The following ESYT3 variants were observed in gnomAD, a reference collection of about 807,000 sequenced individuals.
ESYT3 encodes extended synaptotagmin-3.
ESYT3 carries 101 observed loss-of-function variants against 111.5 expected under a neutral mutation model. The ratio of observed to expected loss-of-function variants is 0.91; its 90% CI spans 0.77 to 1.07. ESYT3 has a LOEUF of 1.07. Among genes scored for constraint, ESYT3 ranks in the 50% least tolerant of loss-of-function variants. ESYT3 has a pLI of 0.00. For missense variants in ESYT3, 1,097 were observed against 1,109.4 expected, an observed-to-expected ratio of 0.99 and a Z score of 0.16; for synonymous variants, 416 against 446.8, an observed-to-expected ratio of 0.93 and a Z score of 0.87.
Position 138,457,609 on chromosome 3 carries a change from C to T in ESYT3, c.546C>T (p.Cys182=), listed in dbSNP as rs772579387. 43 of 1,614,046 alleles carry T rather than the reference C, an allele frequency of 2.7e-5. No individual in the cohort carries two copies. The highest frequency in any genetic ancestry group is 3.2e-5 in the Non-Finnish European group (38 of 1,180,044). Residue 182 remains cysteine, a synonymous_variant, in exon 4 of 23, where the codon TGC becomes TGT. Coordinates refer to ENST00000389567, the MANE Select transcript of ESYT3 (RefSeq NM_031913.5). ...GTGTCAAGGCACACACTAATACGTG[C>T]AACCGAAGACGTGTGACTGTGGACC... ...VNGVKAHTNT[C]NRRRVTVDLQ...
At chr3:138,468,978 GCACA>G in intron 14 of ESYT3, 97 bp downstream of exon 14, 2 of 1,269,530 alleles carry the variant, frequency 1.6e-6, no homozygotes, top group Non-Finnish European at 2.3e-6. Flanking sequence ...CACAGTCTGT[GCACA>G]CACAGCCTGG....
At chr3:138,460,094 G>A (rs556894650) in intron 6 of ESYT3, 60 bp downstream of exon 6, 501 of 1,486,006 alleles carry the variant, frequency 3.4e-4, no homozygotes, top group Non-Finnish European at 4.5e-4. Flanking sequence ...TGGTCTGCTG[G>A]GCCCTAGACA....
At chr3:138,476,724 A>T in intron 22 of ESYT3, 94 bp from the exon 23 acceptor site, 1 of 1,305,346 alleles carries the variant, frequency 7.7e-7, no homozygotes, top group Non-Finnish European at 1.1e-6. Flanking sequence ...TGCTGGTCTT[A>T]CAGAGGCCCA....
At chr3:138,451,402 T>C (rs997761442) in intron 1 of ESYT3, among the ~76,000 whole-genome samples, 45 of 152,362 alleles carry the variant, frequency 3.0e-4, no homozygotes, top group African/African-American at 9.9e-4. Flanking sequence ...TAAGTACTTA[T>C]CACTGGGTGG....
intron 1 of ESYT3, among the ~76,000 whole-genome samples, chr3:138,439,816 G>A (rs759102661): frequency 3.9e-5 from 6 of 152,168 alleles, no homozygotes; most frequent in Non-Finnish European, 5.9e-5. Flanking sequence ...GTGAGAAAAC[G>A]TGGCATTTTG....
At chr3:138,470,751 G>T in intron 16 of ESYT3, 126 bp from the exon 17 acceptor site, 2 of 1,529,740 alleles carry the variant, frequency 1.3e-6, no homozygotes, top group Non-Finnish European at 1.8e-6. Flanking sequence ...TTTCAGAATA[G>T]GACCAGATGC....
intron 20 of ESYT3, 131 bp from the exon 21 acceptor site, chr3:138,476,091 AG>A: frequency 1.6e-6 from 1 of 640,480 alleles, no homozygotes; most frequent in Non-Finnish European, 2.8e-6. Context: ...AGTAGTTATG[AG>A]CCAGTCCTGC....
intron 3 of ESYT3, among the ~76,000 whole-genome samples, chr3:138,456,312 A>G (rs1038085016): frequency 6.6e-6 from 1 of 152,242 alleles, no homozygotes; most frequent in African/African-American, 2.4e-5. Flanking sequence ...GTGGATGACA[A>G]CGTGGCAGTA....
chr3:138,459,285 C>G, intron 5 of ESYT3, 32 bp downstream of exon 5: 1 of 1,499,662 alleles, frequency 6.7e-7, no homozygotes, highest in Non-Finnish European at 9.0e-7. Flanking sequence ...TGCCTCTGTT[C>G]CAGCCCCCAG....
Position 138,468,813 on chromosome 3 carries a change from C to CTGCAGAGAAACCCTTTTGACTACCA in ESYT3, c.1390_1391insATGCAGAGAAACCCTTTTGACTACC. 4 of 1,614,200 alleles carry CTGCAGAGAAACCCTTTTGACTACCA rather than the reference C, an allele frequency of 2.5e-6. No individual in the cohort carries two copies. Among genetic ancestry groups the CTGCAGAGAAACCCTTTTGACTACCA allele is most frequent in the Non-Finnish European group, 3.4e-6 (4 of 1,180,032 alleles). Reference sequence around the variant, plus strand: ...TTGCTTTAACCCCGTTATTCCTGTGCTGCAGAGAAACCCTTTTGACTACCT... The same window carrying CTGCAGAGAAACCCTTTTGACTACCA: ...TTGCTTTAACCCCGTTATTCCTGTGCTGCAGAGAAACCCTTTTGACTACCATGCAGAGAAACCCTTTTGACTACCT... On this transcript the variant is annotated splice_region_variant and splice_polypyrimidine_tract_variant and intron_variant, in intron 13 of 22. Coordinates refer to ENST00000389567, the MANE Select transcript of ESYT3 (RefSeq NM_031913.5).
At position 138,434,709 on chromosome 3, in the gene ESYT3, G is replaced by C. The variant is rs2030479111; in HGVS notation, c.-90G>C. On this transcript the variant is annotated 5_prime_UTR_variant, in exon 1 of 23. Transcript: ENST00000389567. ...AAGGGGGCGCGGCGTCCTGGTCCTC[G>C]AGCTTGGGAGACAGATGCGCATGGG... 8.2e-7 allele frequency: 1 copy of C among 1,218,760 alleles called. No individual in the cohort carries two copies. The allele number at this position is 1,218,760 out of a possible 1,614,324, so 75.5% of individuals were successfully genotyped here.
intron 12 of ESYT3, 101 bp from the exon 13 acceptor site, chr3:138,468,554 A>C (rs1176989889): frequency 8.3e-7 from 1 of 1,210,534 alleles, no homozygotes; most frequent in African/African-American, 1.5e-5. Context: ...CTGGAGTGTG[A>C]AGGCTAGCTG....
intron 1 of ESYT3, among the ~76,000 whole-genome samples, chr3:138,441,485 A>G (rs2031148924): frequency 6.6e-6 from 1 of 152,106 alleles, no homozygotes; most frequent in Non-Finnish European, 1.5e-5. Context: ...TGGCAGGCAG[A>G]GATGGCACTT....
At chr3:138,449,220 G>A (rs888649453) in intron 1 of ESYT3, among the ~76,000 whole-genome samples, 6 of 151,592 alleles carry the variant, frequency 4.0e-5, no homozygotes, top group Non-Finnish European at 8.8e-5. Flanking sequence ...GAGTACCTGG[G>A]ATTACAGGTG....
At position 138,456,443 on chromosome 3, in the gene ESYT3, G is replaced by A. The variant is rs553158841; in HGVS notation, c.504+1115G>A. ...CAGTTGGCTTTTGAAGAATTCAGCA[G>A]GCTAGGAGCCAAGAAGCTTGCAGGG... On this transcript the variant is annotated intron_variant, in intron 3 of 22. Transcript: ENST00000389567. Among the ~76,000 whole-genome samples, 4 of 152,300 alleles carry A rather than the reference G, an allele frequency of 2.6e-5. No homozygotes were observed. In the South Asian group the frequency reaches 8.3e-4, roughly 32 times the overall value.
rs765771214 is a variant in ESYT3 at position 138,457,627 on chromosome 3, T to C, written c.564T>C (p.Thr188=). 1.9e-6 allele frequency: 3 copies of C among 1,614,058 alleles called. No individual in the cohort carries two copies. The highest frequency in any genetic ancestry group is 2.5e-6 in the Non-Finnish European group (3 of 1,180,038). Residue 188 remains threonine, a synonymous_variant, in exon 4 of 23, where the codon ACT becomes ACC. Coordinates refer to ENST00000389567, the MANE Select transcript of ESYT3 (RefSeq NM_031913.5). ...HTNTCNRRRV[T]VDLQICYIGD... is the part of the protein sequence containing the mutation. ...ATACGTGCAACCGAAGACGTGTGAC[T>C]GTGGACCTGCAGATCTGGTGAGCTC...
In ESYT3 at chr3:138,472,818, C is replaced by T. The variant is rs1047486987; in HGVS notation, c.2196C>T (p.Ala732=). The T allele has an allele frequency of 1.9e-6, 3 of 1,614,084 alleles. No individual in the cohort carries two copies. Among genetic ancestry groups the T allele is most frequent in the East Asian group, 2.2e-5 (1 of 44,900 alleles). Residue 732 remains alanine (A), a synonymous_variant, in exon 18 of 23, where the codon GCC becomes GCT. Coordinates refer to ENST00000389567, the MANE Select transcript of ESYT3 (RefSeq NM_031913.5). Reference sequence around the variant, plus strand: ...GCATGTCCTCGCTCAACTCCTTGGCCTCTTCTTGCTTTGACCTGGCAGATA... The same window carrying T: ...GCATGTCCTCGCTCAACTCCTTGGCTTCTTCTTGCTTTGACCTGGCAGATA... The part of the protein sequence containing the change: ...APSMSSLNSL[A]SSCFDLADIS...
intron 20 of ESYT3, 173 bp downstream of exon 20, chr3:138,474,525 GAGA>G (rs2033396753): frequency 6.1e-6 from 4 of 658,384 alleles, no homozygotes; most frequent in Non-Finnish European, 6.8e-6. Flanking sequence ...TGGAGTGCCA[GAGA>G]AGTTTATCAA....
downstream of ESYT3, chr3:138,481,626 A>G (rs2033690223): frequency 6.6e-6 from 1 of 151,658 alleles, no homozygotes; most frequent in Non-Finnish European, 1.5e-5. Flanking sequence ...TCGGCCTCGC[A>G]AAGTGCTGGG....
Sources: allele counts gnomAD v4.1 joint callset (sites outside exome capture counted in the v4.1 genomes callset), GRCh38; gene constraint gnomAD v4.1.1; transcripts MANE v1.5; gene names NCBI Gene and HGNC (gene_info 2026-07-23, HGNC 2026-07-21).